NSMCE4A: variants seen among roughly 807,000 people sequenced by gnomAD.
NSMCE4A encodes non-structural maintenance of chromosomes element 4 homolog A.
In NSMCE4A, 40 loss-of-function variants were observed where a neutral mutation model predicts 47.9. That is an observed-to-expected ratio of 0.83 (90% CI 0.65 to 1.09). NSMCE4A has a LOEUF of 1.09. Among genes scored for constraint, NSMCE4A ranks in the 50% least tolerant of loss-of-function variants. The probability of loss-of-function intolerance (pLI) is 0.00; values close to 1 mark genes in which losing one functional copy is unlikely to be tolerated. For synonymous variants in NSMCE4A, 166 were observed against 178.5 expected (o/e 0.93, Z 0.56); for missense variants, 500 against 507.0 (o/e 0.99, Z 0.13).
At chr10:121,973,967 C>T in intron 2 of NSMCE4A, 37 bp downstream of exon 2, 4 of 1,408,086 alleles carry the variant, frequency 2.8e-6, no homozygotes, top group Non-Finnish European at 3.9e-6. Context: ...TTAAAAGTAT[C>T]ATAAAACACG....
At chr10:121,968,614 A>C in intron 3 of NSMCE4A, among the ~76,000 whole-genome samples, 1 of 152,234 alleles carries the variant, frequency 6.6e-6, no homozygotes, top group East Asian at 1.9e-4. Context: ...ACTGTCTTAC[A>C]GAAAATGTGT....
chr10:121,967,819 A>G lies in NSMCE4A; in HGVS notation c.502-13T>C, dbSNP rs375406801. 6 of 1,596,898 alleles carry G rather than the reference A, an allele frequency of 3.8e-6. No individual in the cohort carries two copies. In the African/African-American group the frequency reaches 8.1e-5, roughly 22 times the overall value. On this transcript the variant is annotated splice_polypyrimidine_tract_variant and intron_variant, in intron 3 of 10. Transcript: ENST00000369023. ...CCATATGTGTGAGCTACAAAAATGA[A>G]GGAAAACAAAAAACCCAGTTAAGCC...
In NSMCE4A at chr10:121,961,464, G is replaced by C. The variant is rs201293057; in HGVS notation, c.898C>G (p.Arg300Gly). 2 of 1,577,194 alleles carry C rather than the reference G, an allele frequency of 1.3e-6. No individual in the cohort carries two copies. The highest frequency in any genetic ancestry group is 4.6e-5 in the East Asian group (2 of 43,222). Residue 300 changes from arginine (R) to glycine (G), a missense_variant, in exon 7 of 11, where the codon CGT (arginine) becomes GGT (glycine). Transcript: ENST00000369023. Reference protein sequence around the residue: ...DFVVDPHSFPRTVENIFHVSF... With the variant: ...DFVVDPHSFPGTVENIFHVSF... ...ACATGAAAGATGTTTTCCACTGTAC[G>C]GGGGAAAGAATGAGGATCAACCACA...
intron 2 of NSMCE4A, among the ~76,000 whole-genome samples, chr10:121,972,366 CA>C (rs1269488050): frequency 1.3e-5 from 2 of 152,166 alleles, no homozygotes; most frequent in African/African-American, 4.8e-5. Flanking sequence ...TCTGATTAAG[CA>C]ACCCCCTCAG....
intron 5 of NSMCE4A, among the ~76,000 whole-genome samples, chr10:121,963,916 G>A (rs1952552089): frequency 6.6e-6 from 1 of 150,974 alleles, no homozygotes; most frequent in African/African-American, 2.4e-5. Context: ...GGCCATTATG[G>A]TGAAACCGTC....
chr10:121,961,138 T>C (rs1952489904), intron 7 of NSMCE4A, among the ~76,000 whole-genome samples: 1 of 152,206 alleles, frequency 6.6e-6, no homozygotes, highest in African/African-American at 2.4e-5. Flanking sequence ...AACTATCAAA[T>C]GCAGGAAATT....
rs1028719287 is a variant in NSMCE4A at position 121,959,885 on chromosome 10, A to G, written c.989-290T>C. 48 of 429,652 alleles carry G rather than the reference A, an allele frequency of 1.1e-4. No individual in the cohort carries two copies. In the Admixed American group the frequency reaches 1.4e-3, roughly 12 times the overall value. The allele number at this position is 429,652 out of a possible 1,614,324, so 26.6% of individuals were successfully genotyped here. On this transcript the variant is annotated intron_variant, in intron 8 of 10. Coordinates refer to ENST00000369023, the MANE Select transcript of NSMCE4A (RefSeq NM_017615.3). The stretch of plus-strand genomic sequence containing the variant: ...ACAGAGCTAAGCCCTAGTGAGTCCA[A>G]TAGGACATTGAGAACATTGAAAGTA...
chr10:121,964,336 G>C (rs1198600611), intron 5 of NSMCE4A, among the ~76,000 whole-genome samples: 1 of 151,902 alleles, frequency 6.6e-6, no homozygotes, highest in African/African-American at 2.4e-5. Flanking sequence ...GTAGAGACAG[G>C]GTTTCACCAT....
intron 4 of NSMCE4A, 37 bp from the exon 5 acceptor site, chr10:121,965,422 T>C: frequency 7.8e-6 from 12 of 1,532,622 alleles, no homozygotes; most frequent in Non-Finnish European, 1.1e-5. Context: ...TTTTTTTGCC[T>C]GTTGTTTGTT....
At chr10:121,974,254 C>A in intron 1 of NSMCE4A, 173 bp from the exon 2 acceptor site, 1 of 1,418,374 alleles carries the variant, frequency 7.1e-7, no homozygotes, top group East Asian at 2.5e-5. Context: ...GAAAGGCCAC[C>A]CTACCCTTTA....
chr10:121,968,920 T>C (rs1952654409), intron 3 of NSMCE4A, among the ~76,000 whole-genome samples: 1 of 152,200 alleles, frequency 6.6e-6, no homozygotes, highest in African/African-American at 2.4e-5. Context: ...CACCAATCTT[T>C]CCTTATAGTG....
chr10:121,966,280 C>A (rs983043494), intron 4 of NSMCE4A: 15 of 152,184 alleles, frequency 9.9e-5, no homozygotes, highest in Admixed American at 9.8e-4. Context: ...AAGATGGGGC[C>A]TGTGGGATAA....
chr10:121,975,044 C>T lies in NSMCE4A; in HGVS notation c.122G>A (p.Gly41Asp), dbSNP rs1021282466. 2.0e-6 allele frequency: 3 copies of T among 1,470,004 alleles called. No individual in the cohort carries two copies. Among genetic ancestry groups the T allele is most frequent in the Admixed American group, 2.7e-5 (1 of 37,684 alleles). 91.1% of individuals were successfully genotyped at this position (1,470,004 alleles called of 1,614,324 possible). Residue 41 changes from glycine (G) to aspartate (D), a missense_variant, in exon 1 of 11, where the codon GGC becomes GAC. By Grantham distance (94) the Gly-to-Asp change is moderately conservative. Transcript: ENST00000369023. ...GGCCTCTCTGCGCTCCCGCGCAGAGCCGCGGCGGGACCTGGGCGACAAAGG... is the reference window on the plus strand; with the variant it reads ...GGCCTCTCTGCGCTCCCGCGCAGAGTCGCGGCGGGACCTGGGCGACAAAGG... ...RSPLSPRSRR[G>D]SARERREAPE...
In NSMCE4A at chr10:121,962,141, G is replaced by A. The variant is rs1019683779; in HGVS notation, c.845-624C>T. On this transcript the variant is annotated intron_variant, in intron 6 of 10. Transcript: ENST00000369023. Reference sequence around the variant, plus strand: ...AAAAAAAAAAAATAGGAACTTGGCCGGGCGCGGTGGCTCATGCCTGTAATC... The same window carrying A: ...AAAAAAAAAAAATAGGAACTTGGCCAGGCGCGGTGGCTCATGCCTGTAATC... The A allele has an allele frequency of 4.4e-5, 16 of 366,366 alleles. No homozygotes were observed. In the East Asian group the frequency reaches 1.2e-3, roughly 28 times the overall value. The allele number at this position is 366,366 out of a possible 1,614,324, so 22.7% of individuals were successfully genotyped here.
rs968356402 is a variant in NSMCE4A, at chr10:121,967,746, G to T, written c.562C>A (p.Pro188Thr). 10 of 1,613,934 alleles carry T rather than the reference G, an allele frequency of 6.2e-6. No homozygotes were observed. Among genetic ancestry groups the T allele is most frequent in the Non-Finnish European group, 6.8e-6 (8 of 1,180,002 alleles). Residue 188 changes from proline to threonine, a missense_variant, in exon 4 of 11, where the codon CCT (proline) becomes ACT (threonine). Physicochemically the swap from Pro to Thr is conservative, Grantham distance 38. Coordinates refer to ENST00000369023, the MANE Select transcript of NSMCE4A (RefSeq NM_017615.3). ...TCATAGACTATGAATTCAAAATCAGGACTATCTTCATCACGGATGAGTTCT... is the reference window on the plus strand; with the variant it reads ...TCATAGACTATGAATTCAAAATCAGTACTATCTTCATCACGGATGAGTTCT... ...AEELIRDEDS[P>T]DFEFIVYDSW... is the part of the protein sequence containing the mutation.
intron 6 of NSMCE4A, 63 bp from the exon 7 acceptor site, chr10:121,961,580 C>T (rs540538400): frequency 1.3e-5 from 13 of 977,880 alleles, no homozygotes; most frequent in East Asian, 8.3e-5. Flanking sequence ...TACACTCTAG[C>T]GTTAGCCAGA....
intron 3 of NSMCE4A, among the ~76,000 whole-genome samples, chr10:121,969,008 A>C (rs17102809): frequency 0.088 from 13,395 of 152,256 alleles, 820 homozygotes; most frequent in East Asian, 0.32. Context: ...TTTTATATTT[A>C]ATGCTTTAAG....
At position 121,961,456 on chromosome 10, in the gene NSMCE4A, C is replaced by G; in HGVS notation, c.906G>C (p.Val302=). ...TGAAGGAAACATGAAAGATGTTTTCCACTGTACGGGGGAAAGAATGAGGAT... is the reference window on the plus strand; with the variant it reads ...TGAAGGAAACATGAAAGATGTTTTCGACTGTACGGGGGAAAGAATGAGGAT... ...VVDPHSFPRT[V]ENIFHVSFII... The change falls in exon 7 of 11, where the codon GTG becomes GTC. Residue 302 remains valine, a synonymous_variant. Coordinates refer to ENST00000369023, the MANE Select transcript of NSMCE4A (RefSeq NM_017615.3). 6.3e-7 allele frequency: 1 copy of G among 1,576,464 alleles called. No individual in the cohort carries two copies. Among genetic ancestry groups the G allele is most frequent in the Non-Finnish European group, 8.6e-7 (1 of 1,169,534 alleles).
intron 10 of NSMCE4A, among the ~76,000 whole-genome samples, chr10:121,957,945 T>G (rs1299200676): frequency 6.6e-6 from 1 of 151,816 alleles, no homozygotes; most frequent in Non-Finnish European, 1.5e-5. Flanking sequence ...AAAATAAAGT[T>G]GAAGCCAGGC....
Sources: allele counts gnomAD v4.1 joint callset (sites outside exome capture counted in the v4.1 genomes callset), GRCh38; gene constraint gnomAD v4.1.1; transcripts MANE v1.5; gene names NCBI Gene and HGNC (gene_info 2026-07-23, HGNC 2026-07-21).